DNAH7: variants seen among roughly 807,000 people sequenced by gnomAD.
DNAH7 encodes dynein axonemal heavy chain 7.
Under a neutral mutation model 444.6 loss-of-function variants are expected in DNAH7, and 397 were observed. The ratio of observed to expected loss-of-function variants is 0.89; its 90% CI spans 0.82 to 0.97. DNAH7 has a LOEUF of 0.97. Ranked by LOEUF, DNAH7 falls within the 50% of genes least tolerant of loss-of-function variation. The pLI is 0.00. For missense variants in DNAH7, 4,902 were observed against 4,800.8 expected (o/e 1.02, Z -0.62); for synonymous variants, 1,636 against 1,624.4 (o/e 1.01, Z -0.17).
intron 19 of DNAH7, among the ~76,000 whole-genome samples, chr2:195,951,255 T>C (rs1449825415): frequency 6.6e-6 from 1 of 152,214 alleles, no homozygotes; most frequent in African/African-American, 2.4e-5. Context: ...TGGTTTTGAG[T>C]GAGTTTCTTA....
At chr2:195,857,779 T>C (rs1291541404) in intron 43 of DNAH7, 56 bp from the exon 44 acceptor site, 20 of 1,412,434 alleles carry the variant, frequency 1.4e-5, no homozygotes, top group Non-Finnish European at 1.8e-5. Flanking sequence ...ACAGTAATTG[T>C]AAGTGGTTCC....
At chr2:196,021,963 C>A (rs1245719840) in intron 8 of DNAH7, among the ~76,000 whole-genome samples, 1 of 151,992 alleles carries the variant, frequency 6.6e-6, no homozygotes, top group Non-Finnish European at 1.5e-5. Flanking sequence ...CCTGTCTCTA[C>A]TAAAAATACA....
At chr2:195,816,570 T>C in intron 51 of DNAH7, 58 bp downstream of exon 51, 3 of 1,297,354 alleles carry the variant, frequency 2.3e-6, no homozygotes, top group Non-Finnish European at 3.2e-6. Context: ...AGGTCACAAA[T>C]TACTCTCTGA....
chr2:195,871,714 G>A (rs1311911679), intron 40 of DNAH7, among the ~76,000 whole-genome samples: 1 of 83,886 alleles, frequency 1.2e-5, no homozygotes, highest in Non-Finnish European at 2.1e-5. Context: ...GGCGGATCAC[G>A]AGGTCAGGAG....
At chr2:195,913,437 A>C (rs910088692) in intron 24 of DNAH7, among the ~76,000 whole-genome samples, 2 of 152,352 alleles carry the variant, frequency 1.3e-5, no homozygotes, top group Non-Finnish European at 2.9e-5. Context: ...TAAATGAATA[A>C]AGAAAACTCA....
intron 15 of DNAH7, among the ~76,000 whole-genome samples, chr2:195,977,344 A>T (rs1461104652): frequency 6.6e-6 from 1 of 152,256 alleles, no homozygotes; most frequent in African/African-American, 2.4e-5. Flanking sequence ...GGGGTTGAAA[A>T]TGTAATTGAC....
At chr2:195,740,923 A>G in intron 63 of DNAH7, 54 bp from the exon 64 acceptor site, 1 of 1,116,768 alleles carries the variant, frequency 9.0e-7, no homozygotes, top group Non-Finnish European at 1.2e-6. Flanking sequence ...ATTTTGATTG[A>G]GTTCTGAATC....
chr2:195,971,595 G>A (rs1158433790), intron 16 of DNAH7, among the ~76,000 whole-genome samples: 1 of 152,112 alleles, frequency 6.6e-6, no homozygotes, highest in Non-Finnish European at 1.5e-5. Flanking sequence ...GTGGGGCGGG[G>A]GTGTGCTCAG....
At chr2:196,042,344 T>C (rs1476663682) in intron 5 of DNAH7, among the ~76,000 whole-genome samples, 1 of 152,034 alleles carries the variant, frequency 6.6e-6, no homozygotes, top group Non-Finnish European at 1.5e-5. Flanking sequence ...CCCGATTTGA[T>C]TGTAGACATA....
rs1280759083 is a variant in DNAH7 at position 195,808,833 on chromosome 2, C to T, written c.9932G>A (p.Gly3311Glu). 19 of 1,613,722 alleles carry T rather than the reference C, an allele frequency of 1.2e-5. No homozygotes were observed. In the South Asian group the frequency reaches 1.5e-4, roughly 13 times the overall value. The change falls in exon 53 of 65, where the codon GGA (glycine) becomes GAA (glutamate). Residue 3311 changes from glycine (G) to glutamate (E), a missense_variant. Transcript: ENST00000312428. ...AAGGTTGGCATAAGGATTATCCAGT[C>T]CAATGCCACCAGTTAGCAGAAATCT... Reference protein sequence around the residue: ...EWRFLLTGGIGLDNPYANLCT... With the variant: ...EWRFLLTGGIELDNPYANLCT...
chr2:195,806,198 T>C (rs1346295411), intron 54 of DNAH7, among the ~76,000 whole-genome samples: 2 of 152,240 alleles, frequency 1.3e-5, no homozygotes, highest in East Asian at 3.8e-4. Context: ...AGGATGTTAA[T>C]GAATACTGAC....
In DNAH7 at chr2:195,816,626, A is replaced by G; in HGVS notation, c.9761+2T>C. 6.2e-7 allele frequency: 1 copy of G among 1,607,798 alleles called. No individual in the cohort carries two copies. The highest frequency in any genetic ancestry group is 1.1e-5 in the South Asian group (1 of 90,008). On this transcript the variant is annotated splice_donor_variant, in intron 51 of 64. Transcript: ENST00000312428. LOFTEE classifies it high-confidence loss of function. ...ATATTAACTAGTATTTCCTTTACATACCTTTTTGCCAAAATTTCTGATTTC... is the reference window on the plus strand; with the variant it reads ...ATATTAACTAGTATTTCCTTTACATGCCTTTTTGCCAAAATTTCTGATTTC...
At chr2:195,938,855 TA>T (rs1159024961) in intron 19 of DNAH7, among the ~76,000 whole-genome samples, 1 of 152,082 alleles carries the variant, frequency 6.6e-6, no homozygotes, top group Non-Finnish European at 1.5e-5. Context: ...GATTTTAAAA[TA>T]AAAGTAATCA....
intron 12 of DNAH7, among the ~76,000 whole-genome samples, chr2:195,988,544 AAATTT>A (rs1693081225): frequency 6.6e-6 from 1 of 152,124 alleles, no homozygotes. Flanking sequence ...ATACATTTTT[AAATTT>A]TATTTTTAAT....
In DNAH7 at chr2:195,894,990, C is replaced by G; in HGVS notation, c.4882G>C (p.Asp1628His). ...AYRVLAGALN[D>H]ICEKGLMEEN... The stretch of plus-strand genomic sequence containing the variant: ...AATATACTTGCCTTTTCACATATAT[C>G]ATTTAGTGCTCCAGCTAAGACACGA... Residue 1628 changes from aspartate (D) to histidine (H), a missense_variant, in exon 30 of 65, where the codon GAT (aspartate) becomes CAT (histidine). Coordinates refer to ENST00000312428, the MANE Select transcript of DNAH7 (RefSeq NM_018897.3). 1.2e-6 allele frequency: 2 copies of G among 1,605,578 alleles called. No homozygotes were observed. The highest frequency in any genetic ancestry group is 1.7e-6 in the Non-Finnish European group (2 of 1,175,094).
intron 46 of DNAH7, among the ~76,000 whole-genome samples, chr2:195,846,618 G>A (rs1485893206): frequency 6.6e-6 from 1 of 152,216 alleles, no homozygotes; most frequent in African/African-American, 2.4e-5. Context: ...GATCCTGGGT[G>A]TGTCTCTGAG....
At position 195,776,079 on chromosome 2, in the gene DNAH7, T is replaced by G. The variant is rs568420724; in HGVS notation, c.11065-96A>C. ...AGGCAGTTTTCAATACTCAAGTTATTGACTGGATAGGCCTGTGACACTGGA... is the reference window on the plus strand; with the variant it reads ...AGGCAGTTTTCAATACTCAAGTTATGGACTGGATAGGCCTGTGACACTGGA... On this transcript the variant is annotated intron_variant, in intron 59 of 64. Transcript: ENST00000312428. The G allele has an allele frequency of 1.2e-4, 175 of 1,455,634 alleles. No individual in the cohort carries two copies. The South Asian group carries it at 2.2e-3, about 19-fold the overall frequency. The allele number at this position is 1,455,634 out of a possible 1,614,324, so 90.2% of individuals were successfully genotyped here.
chr2:195,811,993 A>T (rs1696993135), intron 51 of DNAH7, among the ~76,000 whole-genome samples: 1 of 152,184 alleles, frequency 6.6e-6, no homozygotes, highest in African/African-American at 2.4e-5. Flanking sequence ...TCACTCCTGT[A>T]AATAACATCA....
rs1483553207 is a variant in DNAH7, at chr2:195,873,502, TA to T, written c.6413+65del. The T allele has an allele frequency of 6.0e-6, 6 of 1,003,554 alleles. No homozygotes were observed. The Admixed American group carries it at 1.9e-4, about 31-fold the overall frequency. 62.2% of individuals were successfully genotyped at this position (1,003,554 alleles called of 1,614,324 possible). On this transcript the variant is annotated intron_variant, in intron 39 of 64. Transcript: ENST00000312428. ...TTGTTCTTTGAAATACGCTACTTAA[TA>T]TTGATATGTTTCTAAAATATTTTAT...
Sources: allele counts gnomAD v4.1 joint callset (sites outside exome capture counted in the v4.1 genomes callset), GRCh38; gene constraint gnomAD v4.1.1; transcripts MANE v1.5; gene names NCBI Gene and HGNC (gene_info 2026-07-23, HGNC 2026-07-21).